YES1: variants seen among roughly 807,000 people sequenced by gnomAD.
YES1 encodes the protein tyrosine-protein kinase Yes.
A neutral mutation model predicts 70.4 loss-of-function variants in YES1; 39 were observed. The ratio of observed to expected loss-of-function variants is 0.55; its 90% CI spans 0.43 to 0.72. The LOEUF is 0.72. Among genes scored for constraint, YES1 ranks in the 30% least tolerant of loss-of-function variants. The probability of loss-of-function intolerance (pLI) is 0.00; values close to 1 mark genes in which losing one functional copy is unlikely to be tolerated. For missense variants in YES1, 495 were observed against 644.8 expected (o/e 0.77, Z 2.52); for synonymous variants, 198 against 218.6 (o/e 0.91, Z 0.83).
chr18:773,302 T>G (rs1905235585), intron 1 of YES1, among the ~76,000 whole-genome samples: 1 of 152,218 alleles, frequency 6.6e-6, no homozygotes, highest in Admixed American at 6.5e-5. Flanking sequence ...CAGCTTTACT[T>G]TGTTCCCTCC....
At position 746,052 on chromosome 18, in the gene YES1, C is replaced by G; in HGVS notation, c.471-1G>C. 6.2e-7 allele frequency: 1 copy of G among 1,607,396 alleles called. No homozygotes were observed. Among genetic ancestry groups the G allele is most frequent in the Non-Finnish European group, 8.5e-7 (1 of 1,177,236 alleles). On this transcript the variant is annotated splice_acceptor_variant, in intron 4 of 11. Transcript: ENST00000314574. LOFTEE classifies it high-confidence loss of function. Reference sequence around the variant, plus strand: ...TCTCCCCATTTTGCCAAAATACCATCTGGAAAAAAATTAAGTGTTTTGAAT... The same window carrying G: ...TCTCCCCATTTTGCCAAAATACCATGTGGAAAAAAATTAAGTGTTTTGAAT...
chr18:787,768 C>G (rs1906040675), intron 1 of YES1: 1 of 151,942 alleles, frequency 6.6e-6, no homozygotes, highest in Non-Finnish European at 1.5e-5. Context: ...CATTTAGGAC[C>G]TGACCCAAAT....
At position 774,248 on chromosome 18, in the gene YES1, T is replaced by C. The variant is rs917119190; in HGVS notation, c.-8-17413A>G. On this transcript the variant is annotated intron_variant, in intron 1 of 11. Transcript: ENST00000314574. ...TCCCTGACATCTACACACTGGACTG[T>C]TGCCGAAAAGACTTCTCCATTTACA... 9.2e-5 allele frequency among the ~76,000 whole-genome samples: 14 copies of C among 152,320 alleles called. 1 individual carries two copies. The highest frequency in any genetic ancestry group is 2.0e-4 in the Admixed American group (3 of 15,300).
At chr18:776,329 G>A (rs542706885) in intron 1 of YES1, among the ~76,000 whole-genome samples, 40 of 152,218 alleles carry the variant, frequency 2.6e-4, no homozygotes, top group African/African-American at 9.2e-4. Flanking sequence ...ATGTAGCTGG[G>A]ATTACAGGCT....
At chr18:786,294 A>G (rs1905936019) in intron 1 of YES1, among the ~76,000 whole-genome samples, 1 of 152,032 alleles carries the variant, frequency 6.6e-6, no homozygotes, top group African/African-American at 2.4e-5. Flanking sequence ...CTTTGTCACA[A>G]TATCAAACAT....
intron 9 of YES1, 131 bp downstream of exon 9, chr18:739,604 G>T: frequency 1.4e-6 from 1 of 709,602 alleles, no homozygotes. Flanking sequence ...ATGAGACGCT[G>T]TCTCTAAAAA....
intron 1 of YES1, among the ~76,000 whole-genome samples, chr18:764,306 T>C (rs1246812766): frequency 6.6e-6 from 1 of 152,166 alleles, no homozygotes; most frequent in Non-Finnish European, 1.5e-5. Flanking sequence ...CACTACAACC[T>C]CTGCCTCCTG....
intron 8 of YES1, among the ~76,000 whole-genome samples, chr18:741,552 C>T (rs564363338): frequency 1.3e-5 from 2 of 152,210 alleles, no homozygotes; most frequent in African/African-American, 4.8e-5. Context: ...ACCTGTAATC[C>T]CAGCACTTTG....
chr18:766,130 T>C (rs1904898055), intron 1 of YES1, among the ~76,000 whole-genome samples: 1 of 152,182 alleles, frequency 6.6e-6, no homozygotes, highest in Non-Finnish European at 1.5e-5. Flanking sequence ...TGATCCTTCT[T>C]ACGTTTGCCA....
At chr18:757,493 A>G (rs1486713091) in intron 1 of YES1, among the ~76,000 whole-genome samples, 1 of 129,366 alleles carries the variant, frequency 7.7e-6, no homozygotes, top group Non-Finnish European at 1.6e-5. Flanking sequence ...ACAGAGCGAG[A>G]CTCCGTCTCA....
At chr18:812,304 C>G (rs1225693918), upstream of YES1, 2 of 136,982 alleles carry the variant, frequency 1.5e-5, no homozygotes, top group Non-Finnish European at 3.1e-5. Context: ...CCCCACGCCT[C>G]GGCCTCACTC....
At chr18:805,255 C>A (rs953874975) in intron 1 of YES1, among the ~76,000 whole-genome samples, 2 of 152,152 alleles carry the variant, frequency 1.3e-5, no homozygotes, top group African/African-American at 2.4e-5. Flanking sequence ...GGCTACAAAC[C>A]TGTACAGCAC....
intron 1 of YES1, among the ~76,000 whole-genome samples, chr18:810,930 T>A (rs910734806): frequency 2.0e-5 from 3 of 152,020 alleles, no homozygotes; most frequent in African/African-American, 7.3e-5. Flanking sequence ...ATGCTTCCTG[T>A]CCACCGTGTG....
Position 724,158 on chromosome 18 carries a change from AT to A in YES1, c.*265del, listed in dbSNP as rs2079990592. On this transcript the variant is annotated 3_prime_UTR_variant, in exon 12 of 12. Transcript: ENST00000314574. ...ATAAGCAGGAGCCTCACTGTCCTTCATTACCATGCTGTCACCCACACTGTCA... is the reference window on the plus strand; with the variant it reads ...ATAAGCAGGAGCCTCACTGTCCTTCATACCATGCTGTCACCCACACTGTCA... The A allele has an allele frequency of 2.9e-6, 1 of 350,680 alleles. No individual in the cohort carries two copies. Among genetic ancestry groups the A allele is most frequent in the Admixed American group, 4.2e-5 (1 of 24,026 alleles). The allele number at this position is 350,680 out of a possible 1,614,324, so 21.7% of individuals were successfully genotyped here.
rs1192930742 is a variant in YES1 at position 732,865 on chromosome 18, TTC to T, written c.1390_1391del (p.Glu464ThrfsTer16). 2 of 1,614,246 alleles carry T rather than the reference TTC, an allele frequency of 1.2e-6. No individual in the cohort carries two copies. The highest frequency in any genetic ancestry group is 1.6e-4 in the Middle Eastern group (1 of 6,062). ...DVWSFGILQT[E>X]LVTKGRVPYP... ...ATGGCACTCGGCCCTTTGTTACTAG[TTC>T]TGTTTGCAGAATTCCAAATGACCAG... On this transcript the variant is annotated frameshift_variant, in exon 11 of 12. Transcript: ENST00000314574. LOFTEE classifies it high-confidence loss of function.
Position 796,956 on chromosome 18 carries a change from T to C in YES1, c.-9+15158A>G, listed in dbSNP as rs112591747. Among the ~76,000 whole-genome samples, 1,069 of 152,136 alleles carry C rather than the reference T, an allele frequency of 7.0e-3. 7 individuals are homozygous for C. The highest frequency in any genetic ancestry group is 0.024 in the African/African-American group (1,005 of 41,510). On this transcript the variant is annotated intron_variant, in intron 1 of 11. Transcript: ENST00000314574. The stretch of plus-strand genomic sequence containing the variant: ...CACAACATACATAAAATCCAGAGTA[T>C]AGAGCTAAATGACTTGTAAGACAAA...
intron 1 of YES1, among the ~76,000 whole-genome samples, chr18:804,685 G>A (rs1906999641): frequency 6.6e-6 from 1 of 150,744 alleles, no homozygotes; most frequent in South Asian, 2.1e-4. Context: ...GGCCAAGGCG[G>A]GCGGATCACC....
intron 1 of YES1, among the ~76,000 whole-genome samples, chr18:793,757 T>C (rs1030068260): frequency 2.6e-5 from 4 of 152,116 alleles, no homozygotes; most frequent in East Asian, 1.9e-4. Context: ...ATACCAAAAA[T>C]AGTTATAAAG....
At chr18:748,133 T>C (rs2080301796) in intron 3 of YES1, 115 bp from the exon 4 acceptor site, 4 of 737,160 alleles carry the variant, frequency 5.4e-6, no homozygotes, top group South Asian at 2.2e-5. Flanking sequence ...ATTTTTTATT[T>C]ATGCATTCAT....
Sources: allele counts gnomAD v4.1 joint callset (sites outside exome capture counted in the v4.1 genomes callset), GRCh38; gene constraint gnomAD v4.1.1; transcripts MANE v1.5; gene names NCBI Gene and HGNC (gene_info 2026-07-23, HGNC 2026-07-21).